The following GPHN variants were observed in gnomAD, a reference collection of about 807,000 sequenced individuals.
GPHN encodes the protein gephyrin.
Under a neutral mutation model 95.5 loss-of-function variants are expected in GPHN, and 17 were observed. The ratio of observed to expected loss-of-function variants is 0.18; its 90% CI spans 0.12 to 0.27. The LOEUF (loss-of-function observed/expected upper bound fraction) is 0.27, where lower values mean the gene tolerates loss of function less well. Among genes scored for constraint, GPHN ranks in the 10% least tolerant of loss-of-function variants. The pLI is 1.00. For synonymous variants in GPHN, 320 were observed against 322.5 expected, an observed-to-expected ratio of 0.99 and a Z score of 0.08; for missense variants, 660 against 978.1, an observed-to-expected ratio of 0.67 and a Z score of 4.34.
At position 66,882,672 on chromosome 14, in the gene GPHN, C is replaced by T. The variant is rs143485491; in HGVS notation, c.389+2639C>T. On this transcript the variant is annotated intron_variant, in intron 5 of 22. Coordinates refer to ENST00000478722, the MANE Select transcript of GPHN (RefSeq NM_020806.5). ...ATGTAAAGCACTTAGAAAACTGACT[C>T]GTAGTAACTCTTAAGTGATGACCAT... Among the ~76,000 whole-genome samples, 727 of 151,654 alleles carry T rather than the reference C, an allele frequency of 4.8e-3. 7 individuals are homozygous for T. The highest frequency in any genetic ancestry group is 0.031 in the Middle Eastern group (9 of 294).
chr14:67,612,583 T>A, the GPHN span, among the ~76,000 whole-genome samples: 1 of 152,100 alleles, frequency 6.6e-6, no homozygotes, highest in African/African-American at 2.4e-5. Flanking sequence ...TACCTATAGA[T>A]AAAAAGACTA....
At chr14:66,860,698 A>G (rs1032097885) in intron 4 of GPHN, among the ~76,000 whole-genome samples, 5 of 152,198 alleles carry the variant, frequency 3.3e-5, no homozygotes, top group Non-Finnish European at 7.4e-5. Context: ...TCAAGACGTA[A>G]TAAGACATAA....
intron 4 of GPHN, among the ~76,000 whole-genome samples, chr14:66,857,439 G>A (rs1256758845): frequency 1.3e-5 from 2 of 152,192 alleles, no homozygotes; most frequent in Admixed American, 6.5e-5. Flanking sequence ...AGTAACCAGG[G>A]AGAAACAGCA....
chr14:67,649,342 T>G, the GPHN span: 1 of 152,106 alleles, frequency 6.6e-6, no homozygotes, highest in African/African-American at 2.4e-5. Flanking sequence ...GGCAACATAG[T>G]GTGACCCCGT....
intron 3 of GPHN, among the ~76,000 whole-genome samples, chr14:66,789,525 T>G (rs2059900238): frequency 6.6e-6 from 1 of 152,178 alleles, no homozygotes; most frequent in Admixed American, 6.5e-5. Flanking sequence ...TTAGGGTTGA[T>G]CCCTTGGAGG....
the GPHN span, chr14:67,592,338 G>T: frequency 4.5e-6 from 2 of 439,630 alleles, no homozygotes; most frequent in Non-Finnish European, 8.3e-6. Context: ...TTCTCAGGAG[G>T]CTGAGGCAGG....
At chr14:66,716,530 C>G (rs977224937) in intron 2 of GPHN, among the ~76,000 whole-genome samples, 2 of 152,156 alleles carry the variant, frequency 1.3e-5, no homozygotes, top group African/African-American at 4.8e-5. Context: ...CCATTTGATT[C>G]ATCATGCTAT....
intron 5 of GPHN, among the ~76,000 whole-genome samples, chr14:66,900,013 A>G (rs2065050436): frequency 6.6e-6 from 1 of 151,866 alleles, no homozygotes; most frequent in Non-Finnish European, 1.5e-5. Flanking sequence ...AAATTTGTCC[A>G]TCTCATCTAA....
At chr14:67,424,637 TG>T in the GPHN span, among the ~76,000 whole-genome samples, 1,012 of 147,442 alleles carry the variant, frequency 6.9e-3, 6 homozygotes, top group Non-Finnish European at 8.6e-3. Context: ...TCCAAGCCCC[TG>T]CCCACCCCTA....
At chr14:67,582,416 C>G in the GPHN span, 1 of 834,206 alleles carries the variant, frequency 1.2e-6, no homozygotes. The surrounding 1 kb of genome is among the most constrained non-coding windows in gnomAD (Gnocchi z 5.0). Flanking sequence ...GATGGCTGGA[C>G]TTGGAATCCA....
At chr14:67,114,557 G>C (rs1422615310) in intron 16 of GPHN, among the ~76,000 whole-genome samples, 3 of 152,150 alleles carry the variant, frequency 2.0e-5, no homozygotes, top group African/African-American at 7.2e-5. Context: ...ATGCATGGTA[G>C]CACATGCCTA....
the GPHN span, among the ~76,000 whole-genome samples, chr14:67,214,773 C>T: frequency 7.9e-4 from 121 of 152,226 alleles, no homozygotes; most frequent in African/African-American, 1.3e-3. Context: ...GCCATTTTCA[C>T]GATATTGATT....
the GPHN span, among the ~76,000 whole-genome samples, chr14:67,548,918 G>C: frequency 6.6e-6 from 1 of 152,120 alleles, no homozygotes; most frequent in Non-Finnish European, 1.5e-5. Context: ...TTTCTGAGTG[G>C]ATAAATGGTT....
chr14:67,308,975 C>G, the GPHN span, among the ~76,000 whole-genome samples: 23,831 of 151,800 alleles, frequency 0.16, 3,552 homozygotes, highest in East Asian at 0.42. Flanking sequence ...TTCATCATTA[C>G]GACTTCAAAT....
At chr14:66,855,732 TA>T (rs2062776396) in intron 4 of GPHN, among the ~76,000 whole-genome samples, 1 of 152,184 alleles carries the variant, frequency 6.6e-6, no homozygotes, top group Non-Finnish European at 1.5e-5. Context: ...TTTTAGTTCT[TA>T]TACTATAGAT....
At chr14:67,699,589 C>CAAAAAAAAAAAAAAAA in the GPHN span, among the ~76,000 whole-genome samples, 2 of 50,798 alleles carry the variant, frequency 3.9e-5, no homozygotes, top group African/African-American at 1.6e-4. Context: ...GACCCTATCT[C>CAAAAAAAAAAAAAAAA]AAAAAAAAAA....
the GPHN span, chr14:67,690,887 C>T: frequency 2.0e-6 from 1 of 493,366 alleles, no homozygotes; most frequent in Non-Finnish European, 3.6e-6. Context: ...GCAACACAGT[C>T]CCCTAAACCA....
At chr14:67,226,328 A>G in the GPHN span, among the ~76,000 whole-genome samples, 3 of 150,394 alleles carry the variant, frequency 2.0e-5, no homozygotes, top group Non-Finnish European at 4.4e-5. Context: ...GGTAGCTGGG[A>G]TTACAGACAA....
the GPHN span, among the ~76,000 whole-genome samples, chr14:67,534,661 T>G: frequency 3.3e-5 from 5 of 152,270 alleles, no homozygotes; most frequent in African/African-American, 1.2e-4. Flanking sequence ...GTTGGGCAAT[T>G]GTGGGGTGCA....
Sources: allele counts gnomAD v4.1 joint callset (sites outside exome capture counted in the v4.1 genomes callset), GRCh38; gene constraint gnomAD v4.1.1; non-coding constraint Gnocchi (gnomAD v3.1); transcripts MANE v1.5; gene names NCBI Gene and HGNC (gene_info 2026-07-23, HGNC 2026-07-21).